Variants in SCCPDH observed in about 807,000 individuals in gnomAD.
SCCPDH encodes saccharopine dehydrogenase-like oxidoreductase.
A neutral mutation model predicts 51.5 loss-of-function variants in SCCPDH; 34 were observed. That is an observed-to-expected ratio of 0.66 (90% CI 0.50 to 0.88). SCCPDH has a LOEUF of 0.88. SCCPDH is among the 40% of genes least tolerant of loss of function. The probability of loss-of-function intolerance (pLI) is 0.00; values close to 1 mark genes in which losing one functional copy is unlikely to be tolerated. For missense variants in SCCPDH, 464 were observed against 527.1 expected (o/e 0.88, Z 1.17); for synonymous variants, 187 against 191.3 (o/e 0.98, Z 0.19).
At chr1:246,730,613 CGTA>C (rs1414847471) in intron 2 of SCCPDH, among the ~76,000 whole-genome samples, 2 of 152,296 alleles carry the variant, frequency 1.3e-5, no homozygotes, top group African/African-American at 4.8e-5. Flanking sequence ...GGGAATGTCT[CGTA>C]GTCAGTCCAT....
chr1:246,726,954 C>G lies in SCCPDH; in HGVS notation c.253C>G (p.Leu85Val). 6.2e-7 allele frequency: 1 copy of G among 1,614,172 alleles called. No homozygotes were observed. The highest frequency in any genetic ancestry group is 8.5e-7 in the Non-Finnish European group (1 of 1,180,000). ...IICDIANPAS[L>V]DEMAKQATVV... ...CTGTGATATTGCTAATCCAGCCTCGCTTGATGAAATGGCTAAACAGGCAAC... is the reference window on the plus strand; with the variant it reads ...CTGTGATATTGCTAATCCAGCCTCGGTTGATGAAATGGCTAAACAGGCAAC... Residue 85 changes from leucine to valine, a missense_variant, in exon 2 of 12, where the codon CTT (leucine) becomes GTT (valine). Physicochemically the swap from Leu to Val is conservative, Grantham distance 32. Coordinates refer to ENST00000366510, the MANE Select transcript of SCCPDH (RefSeq NM_016002.3).
rs1668937574 is a variant in SCCPDH, at chr1:246,756,687, G to A, written c.565-1539G>A. Among the ~76,000 whole-genome samples the A allele has an allele frequency of 3.3e-5, 5 of 152,280 alleles. No homozygotes were observed. In the South Asian group the frequency reaches 1.0e-3, roughly 32 times the overall value. ...ATCAAACCTTTAAGACTTTAGTTCT[G>A]TTGTAGTTTTAATAAAACAGAAGAA... On this transcript the variant is annotated intron_variant, in intron 5 of 11. Coordinates refer to ENST00000366510, the MANE Select transcript of SCCPDH (RefSeq NM_016002.3).
chr1:246,738,620 C>A (rs563913873), intron 3 of SCCPDH, among the ~76,000 whole-genome samples: 1 of 151,862 alleles, frequency 6.6e-6, no homozygotes, highest in African/African-American at 2.4e-5. Flanking sequence ...TTTGGGAGGC[C>A]GAGGCACGTG....
At chr1:246,747,940 A>G (rs1572300382) in intron 5 of SCCPDH, among the ~76,000 whole-genome samples, 2 of 152,310 alleles carry the variant, frequency 1.3e-5, no homozygotes, top group South Asian at 2.1e-4. Flanking sequence ...GCGGAACATA[A>G]CTGACACATT....
intron 5 of SCCPDH, among the ~76,000 whole-genome samples, chr1:246,747,383 T>G (rs1668777563): frequency 6.6e-6 from 1 of 152,088 alleles, no homozygotes; most frequent in Non-Finnish European, 1.5e-5. Context: ...TGAGACAGGT[T>G]TCAGTTAATT....
At chr1:246,745,855 TC>T (rs1668750416) in intron 5 of SCCPDH, among the ~76,000 whole-genome samples, 1 of 151,912 alleles carries the variant, frequency 6.6e-6, no homozygotes, top group Admixed American at 6.6e-5. Context: ...ACGCCTGTAA[TC>T]CCAGCACTTT....
rs577968326 is a variant in SCCPDH at position 246,745,928 on chromosome 1, G to A, written c.564+1803G>A. 2.6e-5 allele frequency among the ~76,000 whole-genome samples: 4 copies of A among 151,860 alleles called. No homozygotes were observed. The South Asian group carries it at 8.3e-4, about 32-fold the overall frequency. Reference sequence around the variant, plus strand: ...TCGAGACCATCCTGGCTAACACGGTGAAACCCCGTCTCTACTAAAAATACA... The same window carrying A: ...TCGAGACCATCCTGGCTAACACGGTAAAACCCCGTCTCTACTAAAAATACA... On this transcript the variant is annotated intron_variant, in intron 5 of 11. Transcript: ENST00000366510.
intron 3 of SCCPDH, among the ~76,000 whole-genome samples, 194 bp from the exon 4 acceptor site, chr1:246,739,978 G>A (rs77270563): frequency 0.011 from 1,674 of 152,120 alleles, 28 homozygotes; most frequent in African/African-American, 0.039. Context: ...CACAACTTCT[G>A]TACCACCTGG....
At chr1:246,739,872 GCTTT>G (rs1482145684) in intron 3 of SCCPDH, among the ~76,000 whole-genome samples, 5 of 149,562 alleles carry the variant, frequency 3.3e-5, no homozygotes, top group Non-Finnish European at 7.4e-5. Flanking sequence ...TTTTTTTTTT[GCTTT>G]CTATTTTTTA....
At chr1:246,761,377 T>G (rs966957279) in intron 9 of SCCPDH, among the ~76,000 whole-genome samples, 1 of 152,220 alleles carries the variant, frequency 6.6e-6, no homozygotes, top group Admixed American at 6.5e-5. Flanking sequence ...GCCCGGCCTC[T>G]TTTTTCTTCT....
intron 2 of SCCPDH, among the ~76,000 whole-genome samples, chr1:246,729,522 G>A (rs372892883): frequency 6.6e-6 from 1 of 152,174 alleles, no homozygotes; most frequent in Non-Finnish European, 1.5e-5. Context: ...CTTCTGCCCA[G>A]TCGCGCAGGC....
intron 4 of SCCPDH, among the ~76,000 whole-genome samples, chr1:246,740,544 C>T (rs1427757667): frequency 6.6e-6 from 1 of 152,080 alleles, no homozygotes; most frequent in Admixed American, 6.6e-5. Flanking sequence ...ATAGTTTGGG[C>T]TGTAAAATTT....
intron 4 of SCCPDH, among the ~76,000 whole-genome samples, chr1:246,742,672 GTTAT>G (rs1357050045): frequency 6.6e-6 from 1 of 152,142 alleles, no homozygotes; most frequent in African/African-American, 2.4e-5. Context: ...TGATGACGTG[GTTAT>G]TTATTATTTT....
Position 246,744,189 on chromosome 1 carries a change from CAT to C in SCCPDH, c.564+65_564+66del. On this transcript the variant is annotated intron_variant, in intron 5 of 11. Transcript: ENST00000366510. ...TATTAAAAATATTTTGGAAATGATA[CAT>C]GTGTCTTTTAGGTATGTATAATTTT... 6 of 949,586 alleles carry C rather than the reference CAT, an allele frequency of 6.3e-6. 1 individual carries two copies. In the South Asian group the frequency reaches 9.2e-5, roughly 15 times the overall value. The allele number at this position is 949,586 out of a possible 1,614,324, so 58.8% of individuals were successfully genotyped here. A position where few individuals can be genotyped will look rare whatever the true frequency, so the allele number is the denominator to read the frequency against.
chr1:246,726,007 G>A (rs752553658), intron 1 of SCCPDH, among the ~76,000 whole-genome samples: 25 of 152,076 alleles, frequency 1.6e-4, no homozygotes, highest in Non-Finnish European at 3.2e-4. Context: ...TGGGACTAGA[G>A]GCGCCCGCCA....
In SCCPDH at chr1:246,755,374, G is replaced by A. The variant is rs1226291160; in HGVS notation, c.565-2852G>A. 3 of 152,362 alleles carry A rather than the reference G, an allele frequency of 2.0e-5. No homozygotes were observed. In the East Asian group the frequency reaches 5.8e-4, roughly 29 times the overall value. The allele number at this position is 152,362 out of a possible 1,614,324, so 9.4% of individuals were successfully genotyped here. The stretch of plus-strand genomic sequence containing the variant: ...GATATTCTTGAAAGAGAATAAGGCA[G>A]AAAGACACTCTTGGAGATCAAGACC... On this transcript the variant is annotated intron_variant, in intron 5 of 11. Coordinates refer to ENST00000366510, the MANE Select transcript of SCCPDH (RefSeq NM_016002.3).
At chr1:246,750,256 T>G (rs1668831265) in intron 5 of SCCPDH, among the ~76,000 whole-genome samples, 1 of 152,172 alleles carries the variant, frequency 6.6e-6, no homozygotes, top group African/African-American at 2.4e-5. Flanking sequence ...GGGGTACCTG[T>G]GCTGAAAGAC....
At chr1:246,730,184 G>A (rs577372691) in intron 2 of SCCPDH, among the ~76,000 whole-genome samples, 22 of 152,142 alleles carry the variant, frequency 1.4e-4, no homozygotes, top group Admixed American at 1.3e-3. Context: ...CTCCTATTGG[G>A]CTTTTGTTTT....
intron 5 of SCCPDH, 55 bp downstream of exon 5, chr1:246,744,180 G>A: frequency 9.6e-7 from 1 of 1,037,744 alleles, no homozygotes; most frequent in Non-Finnish European, 1.5e-6. Flanking sequence ...AAATATTTTG[G>A]AAATGATACA....
Sources: gnomAD v4.1 joint callset for allele counts (sites outside exome capture counted in the v4.1 genomes callset) on GRCh38, gnomAD v4.1.1 for gene constraint, MANE v1.5 for transcripts, NCBI Gene and HGNC (gene_info 2026-07-23, HGNC 2026-07-21) for gene names.